The following ST6GALNAC5 variants were observed in gnomAD, a reference collection of about 807,000 sequenced individuals.
ST6GALNAC5 encodes the protein ST6 N-acetylgalactosaminide alpha-2,6-sialyltransferase 5, also known as alpha-N-acetylgalactosaminide alpha-2,6-sialyltransferase 5.
In ST6GALNAC5, 27 loss-of-function variants were observed where a neutral mutation model predicts 33.6. The observed-to-expected ratio is 0.80, with a 90% CI of 0.59 to 1.11. The LOEUF (loss-of-function observed/expected upper bound fraction) is 1.11. Ranked by LOEUF, ST6GALNAC5 falls within the 50% of genes least tolerant of loss-of-function variation. The probability of loss-of-function intolerance (pLI) is 0.00; values close to 1 mark genes in which losing one functional copy is unlikely to be tolerated. For synonymous variants in ST6GALNAC5, 194 were observed against 171.2 expected (o/e 1.13, Z -1.04); for missense variants, 428 against 454.0 (o/e 0.94, Z 0.52).
chr1:76,940,682 C>T (rs963419347), intron 2 of ST6GALNAC5, among the ~76,000 whole-genome samples: 1 of 152,010 alleles, frequency 6.6e-6, no homozygotes, highest in South Asian at 2.1e-4. Flanking sequence ...CTGCTGGACC[C>T]CACCCTGCCT....
rs1652720678 is a variant in ST6GALNAC5 at position 77,064,797 on chromosome 1, T to G, written c.*1591T>G. On this transcript the variant is annotated 3_prime_UTR_variant, in exon 5 of 5. Coordinates refer to ENST00000477717, the MANE Select transcript of ST6GALNAC5 (RefSeq NM_030965.3). ...ACCAGCAAATATTATGTATGAAGAC[T>G]GACATTGTTTTACAGACATGACCTG... 6.6e-6 allele frequency: 1 copy of G among 152,200 alleles called. No homozygotes were observed. Among genetic ancestry groups the G allele is most frequent in the South Asian group, 2.1e-4 (1 of 4,830 alleles). 9.4% of individuals were successfully genotyped at this position (152,200 alleles called of 1,614,324 possible). A position where few individuals can be genotyped will look rare whatever the true frequency, so the allele number is the denominator to read the frequency against.
At chr1:76,973,897 A>T (rs985937640) in intron 2 of ST6GALNAC5, among the ~76,000 whole-genome samples, 2 of 104,734 alleles carry the variant, frequency 1.9e-5, no homozygotes, top group Non-Finnish European at 3.7e-5. Context: ...TCCAAGTTTT[A>T]TGTTCTGTTT....
chr1:77,057,078 ACTCTATTCT>A (rs1652422692), intron 4 of ST6GALNAC5, among the ~76,000 whole-genome samples: 1 of 152,032 alleles, frequency 6.6e-6, no homozygotes, highest in South Asian at 2.1e-4. Context: ...TATTAATTCA[ACTCTATTCT>A]CTCTATTCTT....
chr1:77,035,971 C>G (rs557021855), intron 2 of ST6GALNAC5, among the ~76,000 whole-genome samples: 4 of 152,182 alleles, frequency 2.6e-5, no homozygotes, highest in African/African-American at 9.6e-5. Flanking sequence ...TTTATAATAC[C>G]ATTATTCACA....
chr1:77,047,142 G>A (rs1652042006), intron 3 of ST6GALNAC5, among the ~76,000 whole-genome samples: 1 of 152,136 alleles, frequency 6.6e-6, no homozygotes. Flanking sequence ...CCTACTCAGG[G>A]GAATCACACT....
intron 2 of ST6GALNAC5, among the ~76,000 whole-genome samples, chr1:76,945,235 A>G (rs1647473463): frequency 6.6e-6 from 1 of 152,104 alleles, no homozygotes; most frequent in Non-Finnish European, 1.5e-5. Context: ...TTGCCAGTAA[A>G]ATGAATTTCA....
intron 2 of ST6GALNAC5, among the ~76,000 whole-genome samples, chr1:77,023,835 G>A (rs1478268697): frequency 1.3e-5 from 2 of 152,204 alleles, no homozygotes; most frequent in Non-Finnish European, 2.9e-5. Flanking sequence ...AGGAAGAACA[G>A]TTTCTCAAAG....
chr1:76,975,566 T>C (rs990390177), intron 2 of ST6GALNAC5, among the ~76,000 whole-genome samples: 4 of 152,164 alleles, frequency 2.6e-5, no homozygotes, highest in Non-Finnish European at 5.9e-5. Flanking sequence ...GGGATTAATA[T>C]TGTATGTGAA....
At chr1:76,989,923 T>C (rs1379896245) in intron 2 of ST6GALNAC5, among the ~76,000 whole-genome samples, 2 of 152,196 alleles carry the variant, frequency 1.3e-5, no homozygotes, top group African/African-American at 4.8e-5. Flanking sequence ...AGATCTGTCA[T>C]GGCTGGTCTC....
At chr1:76,991,806 A>G (rs568814774) in intron 2 of ST6GALNAC5, among the ~76,000 whole-genome samples, 1 of 151,120 alleles carries the variant, frequency 6.6e-6, no homozygotes, top group Admixed American at 6.6e-5. Context: ...TATCTTAAGC[A>G]TTCCCAAACA....
At chr1:76,924,080 T>A (rs546401582) in intron 2 of ST6GALNAC5, among the ~76,000 whole-genome samples, 298 of 152,198 alleles carry the variant, frequency 2.0e-3, no homozygotes, top group Non-Finnish European at 3.5e-3. Flanking sequence ...TCTGTGAGTG[T>A]GTGAGAGTGG....
chr1:76,967,424 G>A (rs1449680919), intron 2 of ST6GALNAC5, among the ~76,000 whole-genome samples: 1 of 151,998 alleles, frequency 6.6e-6, no homozygotes, highest in Non-Finnish European at 1.5e-5. Flanking sequence ...TGCGGGATCA[G>A]TGGTGACATC....
chr1:77,051,617 T>G (rs1361756912), intron 4 of ST6GALNAC5, among the ~76,000 whole-genome samples: 1 of 152,208 alleles, frequency 6.6e-6, no homozygotes, highest in Non-Finnish European at 1.5e-5. Context: ...CTTGGAACAG[T>G]GCCTAGTAAG....
chr1:76,976,092 T>A (rs185510726), intron 2 of ST6GALNAC5, among the ~76,000 whole-genome samples: 1 of 151,794 alleles, frequency 6.6e-6, no homozygotes, highest in East Asian at 1.9e-4. Flanking sequence ...GAGATCCATC[T>A]CAAAAAAATA....
At chr1:76,959,056 G>A (rs978705077) in intron 2 of ST6GALNAC5, among the ~76,000 whole-genome samples, 2 of 152,146 alleles carry the variant, frequency 1.3e-5, no homozygotes, top group African/African-American at 2.4e-5. Flanking sequence ...CTCCAGCAAG[G>A]CCTTCAGCGC....
chr1:76,977,573 T>C (rs1164515926), intron 2 of ST6GALNAC5, among the ~76,000 whole-genome samples: 1 of 152,188 alleles, frequency 6.6e-6, no homozygotes. Context: ...GCAGTGTTTG[T>C]CCTTCTGTGC....
chr1:77,061,994 T>C (rs1475084047), intron 4 of ST6GALNAC5, among the ~76,000 whole-genome samples: 1 of 152,176 alleles, frequency 6.6e-6, no homozygotes, highest in African/African-American at 2.4e-5. Flanking sequence ...AATCGTGGCC[T>C]CTTGTTTGCT....
At chr1:76,911,402 C>T (rs553021455) in intron 2 of ST6GALNAC5, among the ~76,000 whole-genome samples, 3 of 152,058 alleles carry the variant, frequency 2.0e-5, no homozygotes, top group Non-Finnish European at 4.4e-5. Context: ...GTCTAAAATT[C>T]TCTTTTTTGG....
intron 2 of ST6GALNAC5, among the ~76,000 whole-genome samples, chr1:76,897,485 C>T (rs552356317): frequency 0.017 from 2,621 of 151,944 alleles, 77 homozygotes; most frequent in African/African-American, 0.059. Flanking sequence ...CAGGCTTTAA[C>T]CCTTTCAAAG....
Sources: allele counts gnomAD v4.1 joint callset (sites outside exome capture counted in the v4.1 genomes callset), GRCh38; gene constraint gnomAD v4.1.1; transcripts MANE v1.5; gene names NCBI Gene and HGNC (gene_info 2026-07-23, HGNC 2026-07-21).